Variants in CNTN5 observed in about 807,000 individuals in gnomAD.
CNTN5 encodes contactin-5.
A neutral mutation model predicts 129.1 loss-of-function variants in CNTN5; 77 were observed. That is an observed-to-expected ratio of 0.60 (90% CI 0.50 to 0.72). The LOEUF is 0.72. Among genes scored for constraint, CNTN5 ranks in the 30% least tolerant of loss-of-function variants. CNTN5 has a pLI of 0.00. For missense variants in CNTN5, 1,478 were observed against 1,328.8 expected (o/e 1.11, Z -1.75); for synonymous variants, 509 against 465.6 (o/e 1.09, Z -1.20).
intron 2 of CNTN5, among the ~76,000 whole-genome samples, chr11:99,398,567 G>T (rs1160214813): frequency 1.3e-5 from 2 of 151,652 alleles, no homozygotes; most frequent in Non-Finnish European, 3.0e-5. Context: ...CCTATTTTTT[G>T]TTTACTTTTT....
intron 2 of CNTN5, among the ~76,000 whole-genome samples, chr11:99,509,280 T>C (rs1353756573): frequency 6.6e-6 from 1 of 152,152 alleles, no homozygotes; most frequent in African/African-American, 2.4e-5. Context: ...TTTTTGTTTG[T>C]TTTCAGGGTG....
At chr11:99,411,593 G>A (rs1942396525) in intron 2 of CNTN5, among the ~76,000 whole-genome samples, 1 of 151,986 alleles carries the variant, frequency 6.6e-6, no homozygotes, top group African/African-American at 2.4e-5. Context: ...CAGCTCTTAG[G>A]GTTTTATGTG....
intron 3 of CNTN5, among the ~76,000 whole-genome samples, chr11:99,561,842 A>G (rs1948853898): frequency 6.8e-6 from 1 of 147,714 alleles, no homozygotes; most frequent in Admixed American, 6.9e-5. Flanking sequence ...ATCTCATAAG[A>G]GAAAAAGAGC....
chr11:100,271,911 G>T (rs1950414695), intron 18 of CNTN5, among the ~76,000 whole-genome samples: 1 of 152,116 alleles, frequency 6.6e-6, no homozygotes, highest in Non-Finnish European at 1.5e-5. Context: ...AAGAAATAAG[G>T]AATACAGAAA....
At chr11:99,831,636 G>A (rs1947144372) in intron 4 of CNTN5, among the ~76,000 whole-genome samples, 1 of 151,896 alleles carries the variant, frequency 6.6e-6, no homozygotes, top group Non-Finnish European at 1.5e-5. Flanking sequence ...GTGCAAATTT[G>A]GCTTAAGGAA....
intron 6 of CNTN5, among the ~76,000 whole-genome samples, chr11:99,865,211 T>C (rs1367915567): frequency 6.6e-6 from 1 of 152,168 alleles, no homozygotes; most frequent in African/African-American, 2.4e-5. Flanking sequence ...TACCTTGTTA[T>C]ATTGTAGCAA....
At chr11:99,830,361 A>C (rs1348216387) in intron 4 of CNTN5, among the ~76,000 whole-genome samples, 1 of 152,126 alleles carries the variant, frequency 6.6e-6, no homozygotes, top group Non-Finnish European at 1.5e-5. Context: ...TGATTCCTGC[A>C]TTTACAAATT....
chr11:99,571,838 A>G (rs1035860379), intron 3 of CNTN5, among the ~76,000 whole-genome samples: 1 of 152,218 alleles, frequency 6.6e-6, no homozygotes, highest in Non-Finnish European at 1.5e-5. Context: ...TACTTAGGAC[A>G]TCAAGAGTTA....
intron 3 of CNTN5, among the ~76,000 whole-genome samples, chr11:99,739,813 A>G (rs907319791): frequency 5.9e-5 from 9 of 152,214 alleles, no homozygotes; most frequent in Admixed American, 2.6e-4. Context: ...TACAGTATGC[A>G]CTGAAAATAT....
intron 1 of CNTN5, among the ~76,000 whole-genome samples, chr11:99,204,287 C>T (rs1191700939): frequency 5.9e-5 from 9 of 152,166 alleles, no homozygotes; most frequent in African/African-American, 2.2e-4. Context: ...AGAATGGAGA[C>T]AGAAAAACCA....
rs572345047 is a variant in CNTN5, at chr11:100,096,147, G to T, written c.1580+21853G>T. Among the ~76,000 whole-genome samples, 3 of 151,838 alleles carry T rather than the reference G, an allele frequency of 2.0e-5. 1 individual carries two copies. The highest frequency in any genetic ancestry group is 2.0e-4 in the Admixed American group (3 of 15,208). On this transcript the variant is annotated intron_variant, in intron 13 of 24. Transcript: ENST00000524871. ...CAAATTGAAATTCCTAGTAATTTTTGAACAAGAAACCCATGTTTTTATTTT... is the reference window on the plus strand; with the variant it reads ...CAAATTGAAATTCCTAGTAATTTTTTAACAAGAAACCCATGTTTTTATTTT...
chr11:100,322,560 C>T (rs1951716339), intron 21 of CNTN5, among the ~76,000 whole-genome samples: 1 of 152,116 alleles, frequency 6.6e-6, no homozygotes, highest in South Asian at 2.1e-4. Context: ...TAAGAGTACC[C>T]CACAAGTAAT....
At chr11:100,256,087 T>A (rs1950063972) in intron 17 of CNTN5, among the ~76,000 whole-genome samples, 169 bp downstream of exon 17, 1 of 152,228 alleles carries the variant, frequency 6.6e-6, no homozygotes, top group Non-Finnish European at 1.5e-5. Flanking sequence ...AAGAGCAAGG[T>A]ACCTTGCTTT....
At chr11:99,249,266 TTGTC>T (rs1413931350) in intron 1 of CNTN5, among the ~76,000 whole-genome samples, 1 of 152,096 alleles carries the variant, frequency 6.6e-6, no homozygotes, top group African/African-American at 2.4e-5. Context: ...GGCTCTCTGT[TTGTC>T]TGTTATTGGT....
At chr11:99,330,726 T>G (rs1865966710) in intron 2 of CNTN5, among the ~76,000 whole-genome samples, 1 of 152,148 alleles carries the variant, frequency 6.6e-6, no homozygotes, top group Admixed American at 6.6e-5. Context: ...TTGCTGGTAG[T>G]TATCTAGAGT....
intron 3 of CNTN5, among the ~76,000 whole-genome samples, chr11:99,724,498 A>C (rs946429420): frequency 6.6e-6 from 1 of 152,192 alleles, no homozygotes; most frequent in Non-Finnish European, 1.5e-5. Context: ...ACATTGTTCT[A>C]AGCCATTACA....
intron 1 of CNTN5, among the ~76,000 whole-genome samples, chr11:99,144,896 G>C (rs1399788343): frequency 6.6e-6 from 1 of 151,264 alleles, no homozygotes; most frequent in Non-Finnish European, 1.5e-5. Context: ...TCCTTTCCAG[G>C]CATTTTATAT....
At position 99,595,759 on chromosome 11, in the gene CNTN5, C is replaced by CATATAT. The variant is rs34266877; in HGVS notation, c.55+39501_55+39506dup. Among the ~76,000 whole-genome samples, 605 of 149,548 alleles carry CATATAT rather than the reference C, an allele frequency of 4.0e-3. 7 individuals carry two copies. The highest frequency in any genetic ancestry group is 0.014 in the African/African-American group (577 of 40,836). On this transcript the variant is annotated intron_variant, in intron 3 of 24. Coordinates refer to ENST00000524871, the MANE Select transcript of CNTN5 (RefSeq NM_014361.4). ...TACTTCACTGAATTCCTCCTTCTGC[C>CATATAT]ATATATATATATATATGACTGTATA...
chr11:99,674,216 GA>G (rs1202864682), intron 3 of CNTN5, among the ~76,000 whole-genome samples: 1 of 152,038 alleles, frequency 6.6e-6, no homozygotes, highest in Admixed American at 6.6e-5. Flanking sequence ...CAGTGATATT[GA>G]GCATTTTTTT....
Sources: gnomAD v4.1 joint callset for allele counts (sites outside exome capture counted in the v4.1 genomes callset) on GRCh38, gnomAD v4.1.1 for gene constraint, MANE v1.5 for transcripts, NCBI Gene and HGNC (gene_info 2026-07-23, HGNC 2026-07-21) for gene names.